ZBTB38: variants seen among roughly 807,000 people sequenced by gnomAD.
ZBTB38 encodes the protein zinc finger and BTB domain containing 38.
Under a neutral mutation model 76.8 loss-of-function variants are expected in ZBTB38, and 20 were observed. That is an observed-to-expected ratio of 0.26 (90% CI 0.18 to 0.38). ZBTB38 has a LOEUF of 0.38. Ranked by LOEUF, ZBTB38 falls within the 10% of genes least tolerant of loss-of-function variation. ZBTB38 has a pLI of 1.00. For missense variants in ZBTB38, 1,082 were observed against 1,482.3 expected, an observed-to-expected ratio of 0.73 and a Z score of 4.43; for synonymous variants, 504 against 544.2, an observed-to-expected ratio of 0.93 and a Z score of 1.03.
At chr3:141,433,212 A>T (rs2077991582) in intron 5 of ZBTB38, among the ~76,000 whole-genome samples, 1 of 152,128 alleles carries the variant, frequency 6.6e-6, no homozygotes, top group African/African-American at 2.4e-5. Context: ...CTGTCTCTTT[A>T]GTCCTTTTAG....
intron 5 of ZBTB38, among the ~76,000 whole-genome samples, chr3:141,417,743 G>T (rs1359278184): frequency 6.6e-6 from 1 of 152,110 alleles, no homozygotes; most frequent in Admixed American, 6.6e-5. Context: ...CAGGCTGTGC[G>T]CAGTGGCTCA....
chr3:141,432,204 C>A, intron 5 of ZBTB38: 1 of 985,454 alleles, frequency 1.0e-6, no homozygotes, highest in Non-Finnish European at 1.2e-6. Flanking sequence ...CCTGTGCTGG[C>A]CCAGTATGGA....
chr3:141,346,632 G>A lies in ZBTB38; in HGVS notation c.-738-21989G>A, dbSNP rs150108858. ...AATAAAGGGAGTGCTACAGTGAGACGCTCAGACGAGGGGTAAATAGGAAAT... is the reference window on the plus strand; with the variant it reads ...AATAAAGGGAGTGCTACAGTGAGACACTCAGACGAGGGGTAAATAGGAAAT... On this transcript the variant is annotated intron_variant, in intron 1 of 7. Coordinates refer to the ZBTB38 transcript ENST00000509842. Among the ~76,000 whole-genome samples, 90 of 152,194 alleles carry A rather than the reference G, an allele frequency of 5.9e-4. 1 individual carries two copies. In the East Asian group the frequency reaches 0.014, roughly 24 times the overall value.
At chr3:141,414,106 C>G (rs6763780) in intron 5 of ZBTB38, among the ~76,000 whole-genome samples, 6,084 of 152,220 alleles carry the variant, frequency 0.04, 138 homozygotes, top group African/African-American at 0.05. Flanking sequence ...TTTATACTTA[C>G]GTTTTTATAG....
At chr3:141,433,335 TG>T (rs1310641296) in intron 5 of ZBTB38, among the ~76,000 whole-genome samples, 1 of 151,708 alleles carries the variant, frequency 6.6e-6, no homozygotes, top group Non-Finnish European at 1.5e-5. Context: ...TGTTTTTTTT[TG>T]TTTTTTTTGG....
At chr3:141,341,708 A>G (rs1943202981) in intron 1 of ZBTB38, among the ~76,000 whole-genome samples, 1 of 152,270 alleles carries the variant, frequency 6.6e-6, no homozygotes, top group Non-Finnish European at 1.5e-5. Flanking sequence ...AAGGAACTGC[A>G]TAGCAGAGGC....
chr3:141,441,075 A>C (rs1187823645), intron 5 of ZBTB38, among the ~76,000 whole-genome samples: 1 of 151,962 alleles, frequency 6.6e-6, no homozygotes, highest in Non-Finnish European at 1.5e-5. Flanking sequence ...AGAAAAGAAA[A>C]ATACTAGAGC....
chr3:141,440,963 G>A (rs1413654096), intron 5 of ZBTB38, among the ~76,000 whole-genome samples: 1 of 150,112 alleles, frequency 6.7e-6, no homozygotes, highest in African/African-American at 2.5e-5. Context: ...GAACCCTGGA[G>A]CCGGAAGTTG....
At chr3:141,352,274 G>T (rs1315328016) in intron 1 of ZBTB38, among the ~76,000 whole-genome samples, 1 of 152,134 alleles carries the variant, frequency 6.6e-6, no homozygotes, top group Non-Finnish European at 1.5e-5. Flanking sequence ...AGGGAGACGT[G>T]TGGCTATCTG....
chr3:141,344,532 C>G (rs530715252), intron 1 of ZBTB38, among the ~76,000 whole-genome samples: 47 of 152,278 alleles, frequency 3.1e-4, no homozygotes, highest in African/African-American at 1.1e-3. Flanking sequence ...CCACACCTGG[C>G]TAATTTTTTG....
chr3:141,421,839 G>A (rs1334119034), intron 5 of ZBTB38, among the ~76,000 whole-genome samples: 1 of 152,236 alleles, frequency 6.6e-6, no homozygotes, highest in African/African-American at 2.4e-5. Context: ...GTGAAGTGAT[G>A]CTTACTCATC....
chr3:141,345,553 A>G (rs1014992213), intron 1 of ZBTB38, among the ~76,000 whole-genome samples: 1 of 152,076 alleles, frequency 6.6e-6, no homozygotes, highest in African/African-American at 2.4e-5. Context: ...TGCTAATTCA[A>G]CTTTGACCCT....
chr3:141,436,030 CTTCT>C (rs1440871741), intron 5 of ZBTB38, among the ~76,000 whole-genome samples: 5 of 152,132 alleles, frequency 3.3e-5, no homozygotes, highest in African/African-American at 1.2e-4. Context: ...TAAACCTCAT[CTTCT>C]TTCTAACTTA....
intron 5 of ZBTB38, chr3:141,434,185 GAGGAACA>G (rs2078235507): frequency 2.0e-6 from 2 of 985,208 alleles, no homozygotes; most frequent in Non-Finnish European, 2.4e-6. Flanking sequence ...AGAAATTCCA[GAGGAACA>G]AGGCTATGCA....
In ZBTB38 at chr3:141,442,243, C is replaced by CT; in HGVS notation, c.1-144dup. The CT allele has an allele frequency of 1.6e-6, 1 of 615,070 alleles. No individual in the cohort carries two copies. The highest frequency in any genetic ancestry group is 2.2e-5 in the South Asian group (1 of 45,730). The allele number at this position is 615,070 out of a possible 1,614,324, so 38.1% of individuals were successfully genotyped here. On this transcript the variant is annotated intron_variant, in intron 5 of 5. Coordinates refer to ENST00000321464, the MANE Select transcript of ZBTB38 (RefSeq NM_001376113.1). The surrounding 1 kb of genome is among the most constrained non-coding windows in gnomAD (Gnocchi z 6.4). ...AAAGATTTAGCTTCTAATGTTGACTCTTGAGTCTCGGGAGCATCAACAGAA... is the reference window on the plus strand; with the variant it reads ...AAAGATTTAGCTTCTAATGTTGACTCTTTGAGTCTCGGGAGCATCAACAGAA...
chr3:141,377,227 G>GC (rs762769631), intron 2 of ZBTB38, among the ~76,000 whole-genome samples: 2 of 152,178 alleles, frequency 1.3e-5, no homozygotes, highest in Non-Finnish European at 1.5e-5. Flanking sequence ...CAAAGACTCA[G>GC]CCCCCCCATC....
At chr3:141,343,739 A>G (rs1384039638) in intron 1 of ZBTB38, among the ~76,000 whole-genome samples, 1 of 151,924 alleles carries the variant, frequency 6.6e-6, no homozygotes, top group African/African-American at 2.4e-5. Context: ...TCAAAGTACA[A>G]CTCTCCTTCT....
intron 5 of ZBTB38, among the ~76,000 whole-genome samples, chr3:141,425,855 G>A (rs1412887772): frequency 6.6e-6 from 1 of 152,228 alleles, no homozygotes; most frequent in African/African-American, 2.4e-5. Context: ...GCCACCAATA[G>A]CTAAACAATC....
intron 5 of ZBTB38, among the ~76,000 whole-genome samples, chr3:141,426,456 T>G (rs1255675247): frequency 4.6e-5 from 7 of 152,138 alleles, no homozygotes; most frequent in Non-Finnish European, 1.0e-4. Flanking sequence ...GCATCTACAG[T>G]TTCATGACCC....
Sources: gnomAD v4.1 joint callset for allele counts (sites outside exome capture counted in the v4.1 genomes callset) on GRCh38, gnomAD v4.1.1 for gene constraint, Gnocchi (gnomAD v3.1) non-coding constraint, MANE v1.5 for transcripts, NCBI Gene and HGNC (gene_info 2026-07-23, HGNC 2026-07-21) for gene names.